The following AKR1B15 variants were observed in gnomAD, a reference collection of about 807,000 sequenced individuals.
AKR1B15 encodes aldo-keto reductase family 1 member B15.
A neutral mutation model predicts 38.5 loss-of-function variants in AKR1B15; 49 were observed. That is an observed-to-expected ratio of 1.27 (90% CI 1.01 to 1.62). AKR1B15 has a LOEUF of 1.62. Ranked by LOEUF, AKR1B15 falls within the 40% of genes most tolerant of loss-of-function variation. AKR1B15 has a pLI of 0.00. For synonymous variants in AKR1B15, 137 were observed against 135.5 expected (o/e 1.01, Z -0.08); for missense variants, 411 against 381.6 (o/e 1.08, Z -0.64).
At position 134,564,816 on chromosome 7, in the gene AKR1B15, G is replaced by T. The variant is rs934257128; in HGVS notation, c.150+47G>T. ...CACCCAATTCCCAACAGCAGTTGTG[G>T]TGTCCTGTTTAGATGGGGGATTGAG... On this transcript the variant is annotated intron_variant, in intron 3 of 11. Transcript: ENST00000457545. 3 of 598,196 alleles carry T rather than the reference G, an allele frequency of 5.0e-6. No individual in the cohort carries two copies. The African/African-American group carries it at 5.6e-5, about 11-fold the overall frequency. The allele number at this position is 598,196 out of a possible 1,614,324, so 37.1% of individuals were successfully genotyped here.
chr7:134,562,966 T>A (rs1306998269), intron 2 of AKR1B15, among the ~76,000 whole-genome samples: 2 of 151,444 alleles, frequency 1.3e-5, no homozygotes. Context: ...TTTTTCTGTC[T>A]GTTTTCTCTA....
At chr7:134,572,498 T>A (rs1794687597) in intron 6 of AKR1B15, among the ~76,000 whole-genome samples, 1 of 151,984 alleles carries the variant, frequency 6.6e-6, no homozygotes, top group South Asian at 2.1e-4. Context: ...TGTGGTGGTG[T>A]GTGCCTGGAA....
At chr7:134,574,335 T>C (rs1794719795) in intron 6 of AKR1B15, among the ~76,000 whole-genome samples, 2 of 152,164 alleles carry the variant, frequency 1.3e-5, no homozygotes, top group South Asian at 4.1e-4. Context: ...CATATGCTCA[T>C]GTTTTTCCCC....
chr7:134,559,366 G>A (rs1794313110), intron 2 of AKR1B15, among the ~76,000 whole-genome samples: 1 of 152,154 alleles, frequency 6.6e-6, no homozygotes, highest in Admixed American at 6.5e-5. Context: ...AGGGTGGAGA[G>A]CCAAGCTCCC....
At chr7:134,552,806 G>T (rs751304667) in intron 1 of AKR1B15, among the ~76,000 whole-genome samples, 1 of 151,978 alleles carries the variant, frequency 6.6e-6, no homozygotes, top group Non-Finnish European at 1.5e-5. Context: ...ATCCTGGCTC[G>T]GTAGACACCA....
At chr7:134,575,593 A>G (rs1461089007) in intron 7 of AKR1B15, 51 bp downstream of exon 7, 1 of 1,608,824 alleles carries the variant, frequency 6.2e-7, no homozygotes, top group Admixed American at 1.7e-5. Context: ...TACTTCTTAA[A>G]CATTGCGGGG....
chr7:134,562,500 G>C lies in AKR1B15; in HGVS notation c.-22-2098G>C, dbSNP rs1385634571. ...TGGTCCATTTTACAGAGCGCTGATT[G>C]GTCCATTATACGGAGCACTGATTGG... is the stretch of plus-strand genomic sequence containing the variant. On this transcript the variant is annotated intron_variant, in intron 2 of 11. Transcript: ENST00000457545. Among the ~76,000 whole-genome samples, 63 of 152,048 alleles carry C rather than the reference G, an allele frequency of 4.1e-4. 1 individual carries two copies. The highest frequency in any genetic ancestry group is 1.8e-4 in the Non-Finnish European group (12 of 67,958).
chr7:134,579,794 C>T lies in AKR1B15; in HGVS notation c.*245C>T. On this transcript the variant is annotated 3_prime_UTR_variant, in exon 12 of 12. Coordinates refer to ENST00000457545, the MANE Select transcript of AKR1B15 (RefSeq NM_001080538.3). ...ATTTTTTCCACTTATCTGATCTGAT[C>T]AAATGTCTGTTAAGCACCAGAAACT... 1 of 403,248 alleles carries T rather than the reference C, an allele frequency of 2.5e-6. No individual in the cohort carries two copies. The allele number at this position is 403,248 out of a possible 1,614,324, so 25.0% of individuals were successfully genotyped here.
At chr7:134,556,348 G>C (rs1032355729) in intron 1 of AKR1B15, among the ~76,000 whole-genome samples, 1 of 152,128 alleles carries the variant, frequency 6.6e-6, no homozygotes, top group South Asian at 2.1e-4. Context: ...TGGTTGTGCC[G>C]AAAGGCCAAA....
chr7:134,575,703 T>A (rs1268184827), intron 7 of AKR1B15, 118 bp from the exon 8 acceptor site: 26 of 1,583,458 alleles, frequency 1.6e-5, no homozygotes, highest in Non-Finnish European at 2.2e-5. Context: ...TTAGCAAGAA[T>A]CTCAGTGCGC....
intron 1 of AKR1B15, among the ~76,000 whole-genome samples, chr7:134,554,242 C>A (rs552859143): frequency 6.6e-6 from 1 of 152,256 alleles, no homozygotes; most frequent in Admixed American, 6.5e-5. Context: ...GCAGACTCTG[C>A]AGCTTGAGAG....
intron 1 of AKR1B15, among the ~76,000 whole-genome samples, chr7:134,550,534 C>A (rs1317869588): frequency 6.6e-6 from 1 of 152,144 alleles, no homozygotes; most frequent in Non-Finnish European, 1.5e-5. Flanking sequence ...CCATAGATCT[C>A]GAAGCTTGAG....
rs1020746760 is a variant in AKR1B15, at chr7:134,566,175, T to A, written c.150+1406T>A. 3.9e-5 allele frequency among the ~76,000 whole-genome samples: 6 copies of A among 152,278 alleles called. No homozygotes were observed. The East Asian group carries it at 7.7e-4, about 20-fold the overall frequency. The stretch of plus-strand genomic sequence containing the variant: ...TGTGCATGGTGGCATGCAGCTGTAG[T>A]CCCAGCCACTTGGGAGGCTGAGGTG... On this transcript the variant is annotated intron_variant, in intron 3 of 11. Transcript: ENST00000457545.
chr7:134,551,362 T>A (rs1030538710), intron 1 of AKR1B15, among the ~76,000 whole-genome samples: 3 of 152,110 alleles, frequency 2.0e-5, no homozygotes, highest in African/African-American at 4.8e-5. Flanking sequence ...TTCTGACCTG[T>A]ACAACTGGAA....
intron 5 of AKR1B15, among the ~76,000 whole-genome samples, chr7:134,570,946 C>A (rs937478125): frequency 6.6e-6 from 1 of 152,194 alleles, no homozygotes. Flanking sequence ...TCCCAGGAAA[C>A]CTCTTGGGTT....
intron 5 of AKR1B15, 102 bp from the exon 6 acceptor site, chr7:134,571,502 G>A (rs549094477): frequency 4.7e-6 from 4 of 842,710 alleles, no homozygotes; most frequent in Admixed American, 3.9e-5. Context: ...AAAGTGGTAT[G>A]CAGATGTGGT....
At chr7:134,563,031 T>C (rs924385063) in intron 2 of AKR1B15, among the ~76,000 whole-genome samples, 1 of 151,870 alleles carries the variant, frequency 6.6e-6, no homozygotes, top group African/African-American at 2.4e-5. Flanking sequence ...CTTTCCTTCC[T>C]TTCTCTCTCC....
chr7:134,550,432 A>T (rs1793928048), intron 1 of AKR1B15, among the ~76,000 whole-genome samples: 1 of 152,146 alleles, frequency 6.6e-6, no homozygotes, highest in Non-Finnish European at 1.5e-5. Flanking sequence ...CGAGTCGTGG[A>T]GACACCAAAG....
Position 134,569,525 on chromosome 7 carries a change from T to G in AKR1B15, c.431T>G (p.Phe144Cys). 1.2e-6 allele frequency: 2 copies of G among 1,614,024 alleles called. No homozygotes were observed. Among genetic ancestry groups the G allele is most frequent in the South Asian group, 2.2e-5 (2 of 91,058 alleles). ...DVYLIHWPQG[F>C]KTGDDFFPKD... The stretch of plus-strand genomic sequence containing the variant: ...TATCTTATTCACTGGCCACAGGGAT[T>G]CAAGGTTTGAGTGACTCCCTTTCTC... Residue 144 changes from phenylalanine to cysteine, a missense_variant, in exon 5 of 12, where the codon TTC (phenylalanine) becomes TGC (cysteine). Physicochemically the swap from Phe to Cys is radical, Grantham distance 205 (BLOSUM62 -2). Coordinates refer to ENST00000457545, the MANE Select transcript of AKR1B15 (RefSeq NM_001080538.3).
Sources: gnomAD v4.1 joint callset for allele counts (sites outside exome capture counted in the v4.1 genomes callset) on GRCh38, gnomAD v4.1.1 for gene constraint, MANE v1.5 for transcripts, NCBI Gene and HGNC (gene_info 2026-07-23, HGNC 2026-07-21) for gene names.